The following THRAP3 variants were observed in gnomAD, a reference collection of about 807,000 sequenced individuals.
THRAP3 encodes thyroid hormone receptor associated protein 3.
In THRAP3, 16 loss-of-function variants were observed where a neutral mutation model predicts 101.0. The ratio of observed to expected loss-of-function variants is 0.16; its 90% CI spans 0.11 to 0.24. The LOEUF (loss-of-function observed/expected upper bound fraction) is 0.24. THRAP3 is among the 10% of genes least tolerant of loss of function. The pLI is 1.00. For missense variants in THRAP3, 989 were observed against 1,202.7 expected, an observed-to-expected ratio of 0.82 and a Z score of 2.63; for synonymous variants, 407 against 422.6, an observed-to-expected ratio of 0.96 and a Z score of 0.45.
the THRAP3 span, among the ~76,000 whole-genome samples, chr1:36,218,503 T>C: frequency 9.1e-5 from 13 of 142,412 alleles, no homozygotes. Context: ...GATCACAAGG[T>C]CAGGGGATCG....
chr1:36,264,675 G>A (rs975891379), intron 2 of THRAP3, among the ~76,000 whole-genome samples: 11 of 152,156 alleles, frequency 7.2e-5, no homozygotes, highest in East Asian at 1.9e-4. Flanking sequence ...GAGATTATGC[G>A]CAGATTTGCT....
chr1:36,240,959 C>T (rs1309140235), intron 1 of THRAP3, among the ~76,000 whole-genome samples: 1 of 152,090 alleles, frequency 6.6e-6, no homozygotes, highest in African/African-American at 2.4e-5. Flanking sequence ...GTAATCCCAG[C>T]ACTTTGGGAG....
intron 1 of THRAP3, among the ~76,000 whole-genome samples, chr1:36,235,228 CATT>C (rs1557806921): frequency 6.6e-6 from 1 of 151,992 alleles, no homozygotes; most frequent in East Asian, 1.9e-4. Context: ...ACATGAATAT[CATT>C]ATAATTTTCT....
chr1:36,289,865 T>G, intron 5 of THRAP3, 101 bp downstream of exon 5: 1 of 1,445,838 alleles, frequency 6.9e-7, no homozygotes, highest in Non-Finnish European at 9.1e-7. Flanking sequence ...CCCTTCTGTC[T>G]TAAGCTTCAG....
At chr1:36,208,966 CTTTTTT>C in the THRAP3 span, among the ~76,000 whole-genome samples, 13 of 51,924 alleles carry the variant, frequency 2.5e-4, no homozygotes, top group African/African-American at 7.2e-4. Context: ...CATGTCCAGC[CTTTTTT>C]TTTTTTTTTT....
rs1306098030 is a variant in THRAP3 at position 36,244,478 on chromosome 1, CCTT to C, written c.-134-14897_-134-14895del. On this transcript the variant is annotated intron_variant, in intron 1 of 11. Transcript: ENST00000354618. ...AATTAAAAATTTCATCTAAATTATA[CCTT>C]CTTCTTAGCTTTACTATACTTAGTG... 2.0e-5 allele frequency among the ~76,000 whole-genome samples: 3 copies of C among 152,162 alleles called. No homozygotes were observed. In the South Asian group the frequency reaches 6.2e-4, roughly 32 times the overall value.
intron 1 of THRAP3, among the ~76,000 whole-genome samples, chr1:36,241,272 G>C (rs1295774740): frequency 6.7e-6 from 1 of 148,316 alleles, no homozygotes; most frequent in Non-Finnish European, 1.5e-5. Context: ...ACTTGTTTTT[G>C]TAAACCTGAA....
chr1:36,228,042 CTTTTTTT>C lies in THRAP3; in HGVS notation c.-135+3550_-135+3556del, dbSNP rs1158538167. On this transcript the variant is annotated intron_variant, in intron 1 of 11. Transcript: ENST00000354618. ...AGGCACCCGCCACCACACGTGGCCTCTTTTTTTTTTTTTTTTTTTCTGTTGGTGGAGT... is the reference window on the plus strand; with the variant it reads ...AGGCACCCGCCACCACACGTGGCCTCTTTTTTTTTTTTCTGTTGGTGGAGT... 3.5e-3 allele frequency among the ~76,000 whole-genome samples: 388 copies of C among 110,452 alleles called. 1 individual carries two copies. Among genetic ancestry groups the C allele is most frequent in the Admixed American group, 5.8e-3 (63 of 10,802 alleles). The allele number at this position is 110,452 out of a possible 152,430, so 72.5% of individuals were successfully genotyped here.
chr1:36,231,513 A>T (rs560775128), intron 1 of THRAP3, among the ~76,000 whole-genome samples: 6 of 152,358 alleles, frequency 3.9e-5, no homozygotes, highest in African/African-American at 1.4e-4. Flanking sequence ...TTGTCCTGAG[A>T]CATAACAACT....
At chr1:36,272,585 A>G (rs1453270027) in intron 2 of THRAP3, among the ~76,000 whole-genome samples, 5 of 152,202 alleles carry the variant, frequency 3.3e-5, no homozygotes, top group Non-Finnish European at 7.3e-5. Context: ...AACTGTCCAG[A>G]GGCATTCAGA....
At chr1:36,272,538 T>A (rs1230308795) in intron 2 of THRAP3, among the ~76,000 whole-genome samples, 1 of 152,194 alleles carries the variant, frequency 6.6e-6, no homozygotes, top group Non-Finnish European at 1.5e-5. Flanking sequence ...ATAGTAAACA[T>A]GTTTCATATT....
At chr1:36,250,214 CTTTTT>C (rs55959529) in intron 1 of THRAP3, among the ~76,000 whole-genome samples, 2 of 140,566 alleles carry the variant, frequency 1.4e-5, no homozygotes, top group African/African-American at 2.6e-5. Flanking sequence ...ATTAGGCATA[CTTTTT>C]TTTTTTTTTT....
chr1:36,211,448 G>A, the THRAP3 span, among the ~76,000 whole-genome samples: 2 of 152,110 alleles, frequency 1.3e-5, no homozygotes, highest in Non-Finnish European at 2.9e-5. Context: ...TAAGGTGGGA[G>A]GATCACTTGG....
intron 1 of THRAP3, among the ~76,000 whole-genome samples, chr1:36,257,560 G>C (rs1170134511): frequency 6.6e-6 from 1 of 152,164 alleles, no homozygotes; most frequent in African/African-American, 2.4e-5. Context: ...GGACAGGCTA[G>C]GCAGGAGGAG....
intron 1 of THRAP3, among the ~76,000 whole-genome samples, chr1:36,244,856 T>A (rs1010917250): frequency 1.3e-5 from 2 of 152,138 alleles, no homozygotes; most frequent in Non-Finnish European, 1.5e-5. Flanking sequence ...TAGCTGGGAT[T>A]ACAGGCACAC....
At chr1:36,288,921 C>A (rs6425979) in intron 4 of THRAP3, 139 bp from the exon 5 acceptor site, 1,295,563 of 1,310,850 alleles carry the variant, frequency 0.99, 641,439 homozygotes, top group Non-Finnish European at 1. Flanking sequence ...AAGTAACCGC[C>A]TAGAAAGTCC....
the THRAP3 span, among the ~76,000 whole-genome samples, chr1:36,217,553 C>T: frequency 2.6e-5 from 4 of 151,452 alleles, no homozygotes; most frequent in Non-Finnish European, 5.9e-5. Context: ...TTATAAACTG[C>T]GAGTTTGTGG....
At chr1:36,208,265 G>A in the THRAP3 span, among the ~76,000 whole-genome samples, 85 of 152,058 alleles carry the variant, frequency 5.6e-4, 1 homozygote, top group African/African-American at 2.0e-3. Context: ...GTTAATGGCT[G>A]AGTGCCTGGA....
intron 1 of THRAP3, among the ~76,000 whole-genome samples, chr1:36,251,524 A>G (rs1360299961): frequency 1.3e-5 from 2 of 152,222 alleles, no homozygotes; most frequent in Non-Finnish European, 2.9e-5. Context: ...TCAACCTGGA[A>G]TTAGGCATAG....
Sources: allele counts gnomAD v4.1 joint callset (sites outside exome capture counted in the v4.1 genomes callset), GRCh38; gene constraint gnomAD v4.1.1; transcripts MANE v1.5; gene names NCBI Gene and HGNC (gene_info 2026-07-23, HGNC 2026-07-21).